RHD: variants seen among roughly 807,000 people sequenced by gnomAD.
RHD encodes the protein Rh blood group D antigen, also known as blood group Rh(D) polypeptide.
In RHD, 16 loss-of-function variants were observed where a neutral mutation model predicts 45.5. The ratio of observed to expected loss-of-function variants is 0.35; its 90% CI spans 0.24 to 0.53. RHD has a LOEUF of 0.53. Ranked by LOEUF, RHD falls within the 20% of genes least tolerant of loss-of-function variation. RHD has a pLI of 0.92. For missense variants in RHD, 306 were observed against 532.0 expected, an observed-to-expected ratio of 0.58 and a Z score of 4.18; for synonymous variants, 131 against 217.5, an observed-to-expected ratio of 0.60 and a Z score of 3.50.
chr1:25,316,185 G>C (rs1370674527), intron 7 of RHD, among the ~76,000 whole-genome samples: 1 of 131,056 alleles, frequency 7.6e-6, no homozygotes, highest in Admixed American at 7.4e-5. Flanking sequence ...TGAACCCCTG[G>C]GGTTGCCTTG....
chr1:25,302,922 T>A (rs1386263989), intron 5 of RHD, among the ~76,000 whole-genome samples: 1 of 130,326 alleles, frequency 7.7e-6, no homozygotes, highest in South Asian at 2.3e-4. Context: ...GGCAAGAGGA[T>A]TGGTTGAGGC....
Position 25,314,132 on chromosome 1 carries a change from TCA to T in RHD, c.1074-2863_1074-2862del, listed in dbSNP as rs1371714631. Among the ~76,000 whole-genome samples, 4 of 133,018 alleles carry T rather than the reference TCA, an allele frequency of 3.0e-5. 1 individual carries two copies. The highest frequency in any genetic ancestry group is 7.1e-5 in the Non-Finnish European group (4 of 56,096). The allele number at this position is 133,018 out of a possible 152,430, so 87.3% of individuals were successfully genotyped here. A position where few individuals can be genotyped will look rare whatever the true frequency, so the allele number is the denominator to read the frequency against. ...GTGAAATTGTTGAATTATACAGTAT[TCA>T]CACAGTCAGCTTTAGTGGCTACTGC... On this transcript the variant is annotated intron_variant, in intron 7 of 9. Coordinates refer to ENST00000328664, the MANE Select transcript of RHD (RefSeq NM_016124.6).
At chr1:25,281,812 A>G (rs1315093481) in intron 1 of RHD, among the ~76,000 whole-genome samples, 1 of 132,340 alleles carries the variant, frequency 7.6e-6, no homozygotes, top group African/African-American at 2.6e-5. Context: ...GGGGCCTCCT[A>G]TATCCTGGTG....
intron 1 of RHD, among the ~76,000 whole-genome samples, chr1:25,281,431 T>C (rs1253188600): frequency 7.6e-6 from 1 of 132,108 alleles, no homozygotes; most frequent in Non-Finnish European, 1.8e-5. Context: ...CTGGGCCCTA[T>C]GCATATAGCA....
chr1:25,293,262 T>TG (rs1642666039), intron 3 of RHD, among the ~76,000 whole-genome samples: 1 of 129,248 alleles, frequency 7.7e-6, no homozygotes, highest in African/African-American at 2.7e-5. Flanking sequence ...AGAAGAGAGA[T>TG]GAACTGCAAG....
intron 7 of RHD, among the ~76,000 whole-genome samples, chr1:25,315,521 G>T (rs1253060718): frequency 2.5e-5 from 3 of 118,444 alleles, no homozygotes; most frequent in East Asian, 2.0e-4. Context: ...TTTTGAGATG[G>T]AGTCTCGCTG....
At position 25,303,572 on chromosome 1, in the gene RHD, C is replaced by G. The variant is rs1571679217; in HGVS notation, c.939+113C>G. The G allele has an allele frequency of 2.7e-5, 30 of 1,096,062 alleles. 3 individuals carry two copies. In the East Asian group the frequency reaches 7.0e-4, roughly 26 times the overall value. The allele number at this position is 1,096,062 out of a possible 1,614,324, so 67.9% of individuals were successfully genotyped here. A position where few individuals can be genotyped will look rare whatever the true frequency, so the allele number is the denominator to read the frequency against. ...TGCATTAGGCAGGTGTCGGCGCATTCTCTTATTGGCTTCAACGCCTAGTGA... is the reference window on the plus strand; with the variant it reads ...TGCATTAGGCAGGTGTCGGCGCATTGTCTTATTGGCTTCAACGCCTAGTGA... On this transcript the variant is annotated intron_variant, in intron 6 of 9. Transcript: ENST00000328664.
chr1:25,316,421 A>T lies in RHD; in HGVS notation c.1074-579A>T, dbSNP rs371945273. On this transcript the variant is annotated intron_variant, in intron 7 of 9. Coordinates refer to ENST00000328664, the MANE Select transcript of RHD (RefSeq NM_016124.6). ...GATCACTTGAGGTCAGGAGTTCGAG[A>T]TCACCCTGGTCAACATGGTGAAACC... is the stretch of plus-strand genomic sequence containing the variant. Among the ~76,000 whole-genome samples the T allele has an allele frequency of 2.4e-3, 313 of 127,862 alleles. 29 individuals carry two copies. Among genetic ancestry groups the T allele is most frequent in the African/African-American group, 5.5e-3 (202 of 36,756 alleles). The allele number at this position is 127,862 out of a possible 152,430, so 83.9% of individuals were successfully genotyped here. A position where few individuals can be genotyped will look rare whatever the true frequency, so the allele number is the denominator to read the frequency against.
At chr1:25,281,592 G>T (rs1641492216) in intron 1 of RHD, among the ~76,000 whole-genome samples, 2 of 131,586 alleles carry the variant, frequency 1.5e-5, no homozygotes, top group Admixed American at 1.5e-4. Context: ...TTCCTGCTTG[G>T]CTCCTGAGGG....
In RHD at chr1:25,291,161, TAGACAGAC is replaced by T. The variant is rs377224052; in HGVS notation, c.486+389_486+396del. On this transcript the variant is annotated intron_variant, in intron 3 of 9. Coordinates refer to ENST00000328664, the MANE Select transcript of RHD (RefSeq NM_016124.6). ...GTAGGTGGATAGACAGATAGATAGATAGACAGACAGACAGACAGACAGACAGGCTGGGT... is the reference window on the plus strand; with the variant it reads ...GTAGGTGGATAGACAGATAGATAGATAGACAGACAGACAGACAGGCTGGGT... 8.9e-5 allele frequency among the ~76,000 whole-genome samples: 11 copies of T among 124,138 alleles called. 1 individual carries two copies. The South Asian group carries it at 2.4e-3, about 27-fold the overall frequency. The allele number at this position is 124,138 out of a possible 152,430, so 81.4% of individuals were successfully genotyped here.
Position 25,307,753 on chromosome 1 carries a change from G to C in RHD, c.1073+1024G>C, listed in dbSNP as rs569782735. The stretch of plus-strand genomic sequence containing the variant: ...TCATGGAGGCGCTGCGGTTCCTACC[G>C]GTTCTTGGATGCCTTCTACAGAGAC... On this transcript the variant is annotated intron_variant, in intron 7 of 9. Transcript: ENST00000328664. 3 of 1,306,904 alleles carry C rather than the reference G, an allele frequency of 2.3e-6. No homozygotes were observed. The East Asian group carries it at 7.4e-5, about 32-fold the overall frequency. 81.0% of individuals were successfully genotyped at this position (1,306,904 alleles called of 1,614,324 possible).
chr1:25,301,425 C>T lies in RHD; in HGVS notation c.635-95C>T. On this transcript the variant is annotated intron_variant, in intron 4 of 9. Coordinates refer to ENST00000328664, the MANE Select transcript of RHD (RefSeq NM_016124.6). ...CTAACTCTAAGTGACAAGGCTGAGA[C>T]TCTCCAGCCCTAGGATTCTCATCCA... is the stretch of plus-strand genomic sequence containing the variant. The T allele has an allele frequency of 8.8e-6, 10 of 1,131,530 alleles. 2 individuals carry two copies. The Admixed American group carries it at 1.3e-4, about 14-fold the overall frequency. The allele number at this position is 1,131,530 out of a possible 1,614,324, so 70.1% of individuals were successfully genotyped here.
chr1:25,293,781 C>T lies in RHD; in HGVS notation c.486+2990C>T, dbSNP rs1642713524. 1.5e-5 allele frequency among the ~76,000 whole-genome samples: 2 copies of T among 131,992 alleles called. 1 individual carries two copies. Among genetic ancestry groups the T allele is most frequent in the South Asian group, 4.6e-4 (2 of 4,314 alleles). 86.6% of individuals were successfully genotyped at this position (131,992 alleles called of 152,430 possible). The stretch of plus-strand genomic sequence containing the variant: ...TTTTATTCATGAATTAAGAGTATTT[C>T]CCTTTGTCCATTATTCCCAAGGCAA... On this transcript the variant is annotated intron_variant, in intron 3 of 9. Transcript: ENST00000328664.
chr1:25,295,849 A>AGTT (rs1557534285), intron 3 of RHD, among the ~76,000 whole-genome samples: 13 of 33,728 alleles, frequency 3.9e-4, no homozygotes, highest in African/African-American at 6.4e-4. Context: ...GAATATGGGA[A>AGTT]ATTTTTTTTT....
chr1:25,330,316 C>T lies in RHD; in HGVS notation c.*1392C>T, dbSNP rs1199714783. On this transcript the variant is annotated 3_prime_UTR_variant, in exon 10 of 10. Coordinates refer to ENST00000328664, the MANE Select transcript of RHD (RefSeq NM_016124.6). The stretch of plus-strand genomic sequence containing the variant: ...ACATAAACACCATTTAGTCACTGAA[C>T]ATAGCTATATGTATGGTTGTTACTA... 6.0e-5 allele frequency: 8 copies of T among 132,944 alleles called. 1 individual carries two copies. In the South Asian group the frequency reaches 6.8e-4, roughly 11 times the overall value. 8.2% of individuals were successfully genotyped at this position (132,944 alleles called of 1,614,324 possible).
At position 25,288,796 on chromosome 1, in the gene RHD, A is replaced by G. The variant is rs997220858; in HGVS notation, c.336-1845A>G. Among the ~76,000 whole-genome samples, 16 of 126,660 alleles carry G rather than the reference A, an allele frequency of 1.3e-4. 1 individual carries two copies. The highest frequency in any genetic ancestry group is 5.6e-5 in the Non-Finnish European group (3 of 53,722). 83.1% of individuals were successfully genotyped at this position (126,660 alleles called of 152,430 possible). On this transcript the variant is annotated intron_variant, in intron 2 of 9. Transcript: ENST00000328664. ...CTCAGCACAAACTGGCCCTTGAGGA[A>G]TGAAATACCGCCGCCGGCACACACG...
chr1:25,311,646 C>G (rs1182765600), intron 7 of RHD, among the ~76,000 whole-genome samples: 1 of 129,734 alleles, frequency 7.7e-6, no homozygotes, highest in African/African-American at 2.7e-5. Context: ...CTGCCCCTCC[C>G]ATTACTGGCC....
rs1644928925 is a variant in RHD at position 25,329,181 on chromosome 1, C to G, written c.*257C>G. 1 of 821,696 alleles carries G rather than the reference C, an allele frequency of 1.2e-6. No individual in the cohort carries two copies. The highest frequency in any genetic ancestry group is 2.2e-5 in the Admixed American group (1 of 44,782). The allele number at this position is 821,696 out of a possible 1,614,324, so 50.9% of individuals were successfully genotyped here. ...TAACAACATCTTGGTAAACAACAGA[C>G]TGCATATATGATGGTGGTCATCCAG... On this transcript the variant is annotated 3_prime_UTR_variant, in exon 10 of 10. Transcript: ENST00000328664.
intron 7 of RHD, chr1:25,307,754 G>A: frequency 1.5e-6 from 2 of 1,306,664 alleles, no homozygotes; most frequent in Non-Finnish European, 2.1e-6. Context: ...GTTCCTACCG[G>A]TTCTTGGATG....
Sources: gnomAD v4.1 joint callset for allele counts (sites outside exome capture counted in the v4.1 genomes callset) on GRCh38, gnomAD v4.1.1 for gene constraint, MANE v1.5 for transcripts, NCBI Gene and HGNC (gene_info 2026-07-23, HGNC 2026-07-21) for gene names.